BCAS3: variants seen among roughly 807,000 people sequenced by gnomAD.
BCAS3 encodes BCAS4/BCAS3 fusion.
In BCAS3, 53 loss-of-function variants were observed where a neutral mutation model predicts 116.1. That is an observed-to-expected ratio of 0.46 (90% CI 0.37 to 0.57). The LOEUF (loss-of-function observed/expected upper bound fraction) is 0.57. BCAS3 is among the 20% of genes least tolerant of loss of function. The pLI is 0.00. For missense variants in BCAS3, 917 were observed against 1,165.4 expected, an observed-to-expected ratio of 0.79 and a Z score of 3.10; for synonymous variants, 391 against 408.2, an observed-to-expected ratio of 0.96 and a Z score of 0.51.
At position 60,799,419 on chromosome 17, in the gene BCAS3, A is replaced by G. The variant is rs535386227; in HGVS notation, c.404-8585A>G. Among the ~76,000 whole-genome samples, 3 of 152,204 alleles carry G rather than the reference A, an allele frequency of 2.0e-5. No homozygotes were observed. In the South Asian group the frequency reaches 6.2e-4, roughly 32 times the overall value. ...ATCTCCCTTATGCTACCTCCCTGCA[A>G]CATCCCCAGCCCTTGAGAACAATTT... On this transcript the variant is annotated intron_variant, in intron 6 of 23. Coordinates refer to ENST00000407086, the MANE Select transcript of BCAS3 (RefSeq NM_017679.5).
At chr17:60,765,131 T>C (rs2043957487) in intron 6 of BCAS3, among the ~76,000 whole-genome samples, 1 of 152,194 alleles carries the variant, frequency 6.6e-6, no homozygotes, top group Non-Finnish European at 1.5e-5. Context: ...TGATAGGTCT[T>C]GACTCTCTAT....
intron 15 of BCAS3, among the ~76,000 whole-genome samples, chr17:60,992,170 T>G (rs1457335926): frequency 1.4e-5 from 2 of 144,152 alleles, no homozygotes; most frequent in Non-Finnish European, 3.0e-5. Context: ...TACACATTCT[T>G]TCGTAGTATC....
intron 7 of BCAS3, among the ~76,000 whole-genome samples, chr17:60,825,988 G>A (rs2050386673): frequency 6.6e-6 from 1 of 151,280 alleles, no homozygotes; most frequent in Non-Finnish European, 1.5e-5. Context: ...CTCCCAAGTA[G>A]CTGGGATTAC....
chr17:60,962,347 A>T lies in BCAS3; in HGVS notation c.1221+14995A>T, dbSNP rs2061451926. ...CTCCACATTCTCACCAGCATCTTTT[A>T]TTGATTGTCCTTTTGATACAAGCCA... On this transcript the variant is annotated intron_variant, in intron 14 of 23. Coordinates refer to ENST00000407086, the MANE Select transcript of BCAS3 (RefSeq NM_017679.5). The surrounding 1 kb of genome is among the most constrained non-coding windows in gnomAD (Gnocchi z 4.4). Among the ~76,000 whole-genome samples, 1 of 152,034 alleles carries T rather than the reference A, an allele frequency of 6.6e-6. No homozygotes were observed. Among genetic ancestry groups the T allele is most frequent in the Admixed American group, 6.5e-5 (1 of 15,278 alleles).
At chr17:60,694,229 G>A (rs1385697350) in intron 4 of BCAS3, among the ~76,000 whole-genome samples, 2 of 149,434 alleles carry the variant, frequency 1.3e-5, no homozygotes, top group Non-Finnish European at 2.9e-5. Context: ...TTGGCTGGGC[G>A]TGGTGGCTCA....
intron 5 of BCAS3, chr17:60,720,062 A>G (rs1271881084): frequency 1.3e-5 from 2 of 152,238 alleles, no homozygotes; most frequent in Non-Finnish European, 2.9e-5. Context: ...GTTCTCACTT[A>G]AAGTTTCAGT....
At chr17:61,143,440 G>A (rs1033265691) in intron 22 of BCAS3, among the ~76,000 whole-genome samples, 2 of 152,128 alleles carry the variant, frequency 1.3e-5, no homozygotes, top group African/African-American at 4.8e-5. Flanking sequence ...TTCTGATTTT[G>A]TTTTTTAAAG....
intron 5 of BCAS3, among the ~76,000 whole-genome samples, chr17:60,738,440 C>T (rs2041197896): frequency 1.3e-5 from 2 of 152,214 alleles, no homozygotes; most frequent in South Asian, 4.1e-4. Flanking sequence ...ACCCCTTTAT[C>T]ATTATGTAAT....
chr17:60,816,638 C>T (rs2049444344), intron 7 of BCAS3, among the ~76,000 whole-genome samples: 1 of 152,100 alleles, frequency 6.6e-6, no homozygotes, highest in South Asian at 2.1e-4. Context: ...TGGAAAGTGT[C>T]AGTCAAAGTC....
chr17:61,044,465 A>AAAAAAAAAAAT, intron 19 of BCAS3, among the ~76,000 whole-genome samples: 1 of 120,126 alleles, frequency 8.3e-6, no homozygotes, highest in African/African-American at 5.0e-5. Context: ...AAAAAAAAAA[A>AAAAAAAAAAAT]ATATATATAT....
chr17:60,867,672 G>GC (rs2054734598), intron 7 of BCAS3, among the ~76,000 whole-genome samples: 1 of 152,098 alleles, frequency 6.6e-6, no homozygotes, highest in Non-Finnish European at 1.5e-5. Flanking sequence ...GTGCACAGAT[G>GC]ATCTATATTT....
Position 61,139,218 on chromosome 17 carries a change from T to C in BCAS3, c.2425+54654T>C, listed in dbSNP as rs2143925179. Among the ~76,000 whole-genome samples the C allele has an allele frequency of 1.3e-5, 2 of 152,354 alleles. 1 individual carries two copies. The highest frequency in any genetic ancestry group is 4.1e-4 in the South Asian group (2 of 4,832). On this transcript the variant is annotated intron_variant, in intron 22 of 23. Transcript: ENST00000407086. The surrounding 1 kb of genome is among the most constrained non-coding windows in gnomAD (Gnocchi z 4.7). ...GCTTAAAGAGTACACATTTTTTCCC[T>C]TAGAGTTATAGATGATCTAATCTAA...
chr17:61,337,242 CTG>C lies in BCAS3; in HGVS notation c.2426-31083_2426-31082del, dbSNP rs2056796602. 1.3e-5 allele frequency among the ~76,000 whole-genome samples: 2 copies of C among 152,350 alleles called. No homozygotes were observed. Among genetic ancestry groups the C allele is most frequent in the Non-Finnish European group, 2.9e-5 (2 of 68,028 alleles). The stretch of plus-strand genomic sequence containing the variant: ...ACAGGGACGTGAGCCATGTCAGTGT[CTG>C]TAAATAGAGGCAGTTGCAGGTTCAC... On this transcript the variant is annotated intron_variant, in intron 22 of 23. Transcript: ENST00000407086. The surrounding 1 kb of genome is among the most constrained non-coding windows in gnomAD (Gnocchi z 4.8).
At position 61,141,036 on chromosome 17, in the gene BCAS3, G is replaced by C. The variant is rs1187515913; in HGVS notation, c.2425+56472G>C. Among the ~76,000 whole-genome samples, 1 of 151,854 alleles carries C rather than the reference G, an allele frequency of 6.6e-6. No individual in the cohort carries two copies. Among genetic ancestry groups the C allele is most frequent in the East Asian group, 1.9e-4 (1 of 5,176 alleles). The stretch of plus-strand genomic sequence containing the variant: ...TACCACTTCTACTTTTCATTATCAT[G>C]TCTCTTTATCCTGATTCACCTGTAC... On this transcript the variant is annotated intron_variant, in intron 22 of 23. Coordinates refer to ENST00000407086, the MANE Select transcript of BCAS3 (RefSeq NM_017679.5). The surrounding 1 kb of genome is among the most constrained non-coding windows in gnomAD (Gnocchi z 4.3).
intron 13 of BCAS3, among the ~76,000 whole-genome samples, chr17:60,927,317 A>G (rs1294723260): frequency 6.6e-6 from 1 of 150,506 alleles, no homozygotes; most frequent in Non-Finnish European, 1.5e-5. Flanking sequence ...GTGCAGTGGC[A>G]CGATCTCAGC....
intron 22 of BCAS3, among the ~76,000 whole-genome samples, chr17:61,179,175 A>C (rs2079324885): frequency 6.6e-6 from 1 of 151,952 alleles, no homozygotes; most frequent in Non-Finnish European, 1.5e-5. Context: ...ATTTAATTTT[A>C]ATCAAACTTG....
chr17:60,714,988 CTT>C (rs1233957775), intron 5 of BCAS3, among the ~76,000 whole-genome samples: 1 of 152,002 alleles, frequency 6.6e-6, no homozygotes, highest in East Asian at 1.9e-4. Context: ...GTTATTGACT[CTT>C]TTTTGGTGAG....
chr17:61,297,803 C>T (rs771389708), intron 22 of BCAS3, among the ~76,000 whole-genome samples: 4 of 152,184 alleles, frequency 2.6e-5, no homozygotes, highest in Non-Finnish European at 4.4e-5. Flanking sequence ...ATGCTCTCAA[C>T]GGTATTTTTA....
At chr17:61,223,720 T>G (rs758648136) in intron 22 of BCAS3, among the ~76,000 whole-genome samples, 20 of 152,326 alleles carry the variant, frequency 1.3e-4, no homozygotes, top group Middle Eastern at 3.4e-3. Context: ...AAACTAGCAA[T>G]TAGGATACAT....
Sources: gnomAD v4.1 joint callset for allele counts (sites outside exome capture counted in the v4.1 genomes callset) on GRCh38, gnomAD v4.1.1 for gene constraint, Gnocchi (gnomAD v3.1) non-coding constraint, MANE v1.5 for transcripts, NCBI Gene and HGNC (gene_info 2026-07-23, HGNC 2026-07-21) for gene names.